The following TBC1D14 variants were observed in gnomAD, a reference collection of about 807,000 sequenced individuals.
TBC1D14 encodes the protein TBC1 domain family, member 14.
In TBC1D14, 26 loss-of-function variants were observed where a neutral mutation model predicts 79.0. The observed-to-expected ratio is 0.33, with a 90% CI of 0.24 to 0.46. The LOEUF is 0.46. Among genes scored for constraint, TBC1D14 ranks in the 20% least tolerant of loss-of-function variants. TBC1D14 has a pLI of 1.00. For missense variants in TBC1D14, 769 were observed against 887.6 expected (o/e 0.87, Z 1.70); for synonymous variants, 394 against 349.9 (o/e 1.13, Z -1.40).
chr4:6,982,044 G>C (rs1284185929), intron 3 of TBC1D14, among the ~76,000 whole-genome samples: 1 of 152,168 alleles, frequency 6.6e-6, no homozygotes, highest in African/African-American at 2.4e-5. Flanking sequence ...ATGCACAATG[G>C]TACAGCCATT....
intron 3 of TBC1D14, among the ~76,000 whole-genome samples, chr4:6,975,685 G>A (rs1362762912): frequency 6.6e-6 from 1 of 152,220 alleles, no homozygotes; most frequent in Admixed American, 6.5e-5. Context: ...AAAGAATTAA[G>A]TGGAAATTTT....
At position 7,033,022 on chromosome 4, in the gene TBC1D14, CTTTAA is replaced by C. The variant is rs1723201709; in HGVS notation, c.*2634_*2638del. 1 of 152,620 alleles carries C rather than the reference CTTTAA, an allele frequency of 6.6e-6. No individual in the cohort carries two copies. Among genetic ancestry groups the C allele is most frequent in the Non-Finnish European group, 1.5e-5 (1 of 68,050 alleles). 9.5% of individuals were successfully genotyped at this position (152,620 alleles called of 1,614,324 possible). Reference sequence around the variant, plus strand: ...TGTTTTAATTGCTTGTACAGTTAACCTTTAATTTTATTTAGTAAAGTGTATCAAAG... The same window carrying C: ...TGTTTTAATTGCTTGTACAGTTAACCTTTTATTTAGTAAAGTGTATCAAAG... On this transcript the variant is annotated 3_prime_UTR_variant, in exon 14 of 14. Coordinates refer to ENST00000409757, the MANE Select transcript of TBC1D14 (RefSeq NM_020773.3).
Position 7,030,875 on chromosome 4 carries a change from C to T in TBC1D14, c.*483C>T, listed in dbSNP as rs1248267569. ...TTTTCCAGAGCTGGAGGTCACGTTT[C>T]TAAAACTCACCTACGAAAGATAGCA... is the stretch of plus-strand genomic sequence containing the variant. On this transcript the variant is annotated 3_prime_UTR_variant, in exon 14 of 14. Transcript: ENST00000409757. 1 of 155,872 alleles carries T rather than the reference C, an allele frequency of 6.4e-6. No individual in the cohort carries two copies. Among genetic ancestry groups the T allele is most frequent in the Non-Finnish European group, 1.4e-5 (1 of 70,218 alleles). 9.7% of individuals were successfully genotyped at this position (155,872 alleles called of 1,614,324 possible). A position where few individuals can be genotyped will look rare whatever the true frequency, so the allele number is the denominator to read the frequency against.
chr4:6,931,927 A>G (rs1342138377), intron 2 of TBC1D14, among the ~76,000 whole-genome samples: 11 of 151,926 alleles, frequency 7.2e-5, no homozygotes, highest in East Asian at 1.9e-4. Context: ...GATGGAGGAT[A>G]TGTGTTGGCA....
intron 3 of TBC1D14, among the ~76,000 whole-genome samples, chr4:6,988,216 G>T (rs1162583672): frequency 6.6e-6 from 1 of 152,202 alleles, no homozygotes; most frequent in South Asian, 2.1e-4. Context: ...GACCAGCCGC[G>T]GTGTTGCGGA....
At chr4:7,017,506 A>G (rs1470745435) in intron 12 of TBC1D14, among the ~76,000 whole-genome samples, 1 of 152,162 alleles carries the variant, frequency 6.6e-6, no homozygotes, top group Non-Finnish European at 1.5e-5. Flanking sequence ...CAGGTTCCAG[A>G]GACAGGAATA....
At chr4:7,009,788 G>T (rs1560344272) in intron 9 of TBC1D14, 89 bp from the exon 10 acceptor site, 1 of 1,268,920 alleles carries the variant, frequency 7.9e-7, no homozygotes. Flanking sequence ...TAGCAGGAGT[G>T]GCAGCGGCAG....
intron 3 of TBC1D14, among the ~76,000 whole-genome samples, chr4:6,973,305 C>T (rs1716381053): frequency 6.6e-6 from 1 of 151,730 alleles, no homozygotes; most frequent in Non-Finnish European, 1.5e-5. Flanking sequence ...CCAAAAGTCT[C>T]AAAACATTGT....
chr4:6,978,097 G>A (rs1412618206), intron 3 of TBC1D14, among the ~76,000 whole-genome samples: 252 of 142,232 alleles, frequency 1.8e-3, no homozygotes, highest in South Asian at 2.8e-3. Context: ...CTGGCCAGCC[G>A]CCCCATCCGG....
At chr4:7,005,020 G>C in intron 8 of TBC1D14, 96 bp downstream of exon 8, 1 of 1,132,848 alleles carries the variant, frequency 8.8e-7, no homozygotes. Flanking sequence ...CTACAGTAGA[G>C]ATTGTTGTGG....
rs1713102259 is a variant in TBC1D14, at chr4:6,943,410, C to T, written c.722+19299C>T. Among the ~76,000 whole-genome samples the T allele has an allele frequency of 2.0e-5, 3 of 152,284 alleles. No individual in the cohort carries two copies. In the South Asian group the frequency reaches 6.2e-4, roughly 32 times the overall value. ...TGAATACCCCTCTCATTCTCTTGCC[C>T]AAGTGATAGTTCCCACCACCTGGAG... On this transcript the variant is annotated intron_variant, in intron 2 of 13. Coordinates refer to ENST00000409757, the MANE Select transcript of TBC1D14 (RefSeq NM_020773.3).
rs1491292742 is a variant in TBC1D14, at chr4:6,977,093, T to TCTCCCTCTCCCCACG, written c.843+9669_843+9670insCTCCCTCTCCCCACG. Among the ~76,000 whole-genome samples, 9 of 10,244 alleles carry TCTCCCTCTCCCCACG rather than the reference T, an allele frequency of 8.8e-4. 4 individuals carry two copies. Among genetic ancestry groups the TCTCCCTCTCCCCACG allele is most frequent in the Admixed American group, 2.8e-3 (2 of 718 alleles). 6.7% of individuals were successfully genotyped at this position (10,244 alleles called of 152,430 possible). On this transcript the variant is annotated intron_variant, in intron 3 of 13. Transcript: ENST00000409757. ...TCCCTCTCCCTCTCCCTCTCCCCAC[T>TCTCCCTCTCCCCACG]GTCTCCCTCTCCCCACGGTCTCCCT...
intron 1 of TBC1D14, among the ~76,000 whole-genome samples, chr4:6,919,104 A>G (rs1239758471): frequency 1.3e-5 from 2 of 151,842 alleles, no homozygotes; most frequent in Non-Finnish European, 2.9e-5. Context: ...TTTTTGCTCT[A>G]TAGGTTGGAG....
At chr4:7,025,713 C>A (rs572267624) in intron 13 of TBC1D14, among the ~76,000 whole-genome samples, 135 of 152,348 alleles carry the variant, frequency 8.9e-4, no homozygotes, top group African/African-American at 3.1e-3. Context: ...CCCCCTCTTA[C>A]AACAAAGGGA....
At position 7,032,107 on chromosome 4, in the gene TBC1D14, G is replaced by A. The variant is rs745724503; in HGVS notation, c.*1715G>A. 2.0e-5 allele frequency: 3 copies of A among 152,424 alleles called. No homozygotes were observed. The highest frequency in any genetic ancestry group is 6.6e-5 in the Admixed American group (1 of 15,262). The allele number at this position is 152,424 out of a possible 1,614,324, so 9.4% of individuals were successfully genotyped here. On this transcript the variant is annotated 3_prime_UTR_variant, in exon 14 of 14. Coordinates refer to ENST00000409757, the MANE Select transcript of TBC1D14 (RefSeq NM_020773.3). ...CATCGTGGAGACCACTTTCTGCCTCGGCCTTTAAATGCTGACTCACCTCCT... is the reference window on the plus strand; with the variant it reads ...CATCGTGGAGACCACTTTCTGCCTCAGCCTTTAAATGCTGACTCACCTCCT...
In TBC1D14 at chr4:6,954,169, C is replaced by CGCGAGGGGCGGG. The variant is rs1188909344; in HGVS notation, c.723-13132_723-13121dup. ...GTCCAGCTTGCCTTCATCTGGCAGA[C>CGCGAGGGGCGGG]GCGAGGGGCGGGGCTCCGAGTGCAC... is the stretch of plus-strand genomic sequence containing the variant. On this transcript the variant is annotated intron_variant, in intron 2 of 13. Transcript: ENST00000409757. The CGCGAGGGGCGGG allele has an allele frequency of 3.9e-5, 25 of 640,852 alleles. No individual in the cohort carries two copies. The Admixed American group carries it at 5.7e-4, about 15-fold the overall frequency. The allele number at this position is 640,852 out of a possible 1,614,324, so 39.7% of individuals were successfully genotyped here.
rs1560245927 is a variant in TBC1D14 at position 6,923,629 on chromosome 4, C to A, written c.240C>A (p.Pro80=). ...TLEIGNPEPV[P]CSAVHVRRKQ... is the part of the protein sequence containing the mutation. ...AGATCGGGAACCCGGAGCCTGTACCCTGCAGCGCGGTCCACGTGAGGAGGA... is the reference window on the plus strand; with the variant it reads ...AGATCGGGAACCCGGAGCCTGTACCATGCAGCGCGGTCCACGTGAGGAGGA... Residue 80 remains proline (P), a synonymous_variant, in exon 2 of 14, where the codon CCC becomes CCA. Transcript: ENST00000409757. 6.2e-7 allele frequency: 1 copy of A among 1,613,864 alleles called. No individual in the cohort carries two copies. The highest frequency in any genetic ancestry group is 8.5e-7 in the Non-Finnish European group (1 of 1,180,038).
intron 2 of TBC1D14, among the ~76,000 whole-genome samples, chr4:6,940,009 G>A (rs1339378088): frequency 2.0e-5 from 3 of 152,180 alleles, no homozygotes; most frequent in African/African-American, 7.2e-5. Context: ...TGGCTCCCGC[G>A]GCACCTCACG....
At chr4:6,962,372 A>G (rs1715303575) in intron 2 of TBC1D14, among the ~76,000 whole-genome samples, 1 of 152,034 alleles carries the variant, frequency 6.6e-6, no homozygotes, top group African/African-American at 2.4e-5. Flanking sequence ...ACCTACAGAT[A>G]TCGATTGTTT....
Sources: gnomAD v4.1 joint callset for allele counts (sites outside exome capture counted in the v4.1 genomes callset) on GRCh38, gnomAD v4.1.1 for gene constraint, MANE v1.5 for transcripts, NCBI Gene and HGNC (gene_info 2026-07-23, HGNC 2026-07-21) for gene names.